The following NBEAL1 variants were observed in gnomAD, a reference collection of about 807,000 sequenced individuals.
The protein encoded by NBEAL1 is neurobeachin like 1, also known as neurobeachin-like protein 1.
A neutral mutation model predicts 351.3 loss-of-function variants in NBEAL1; 273 were observed. The ratio of observed to expected loss-of-function variants is 0.78; its 90% confidence interval spans 0.70 to 0.86. The LOEUF is 0.86. Among genes scored for constraint, NBEAL1 ranks in the 40% least tolerant of loss-of-function variants. The pLI, the probability that NBEAL1 is intolerant of heterozygous loss-of-function variation, is 0.00. For synonymous variants in NBEAL1, 1,050 were observed against 1,086.4 expected, an observed-to-expected ratio of 0.97 and a Z score of 0.66; for missense variants, 2,961 against 3,201.3, an observed-to-expected ratio of 0.92 and a Z score of 1.81.
At position 203,127,815 on chromosome 2, in the gene NBEAL1, GAT is replaced by G; in HGVS notation, c.3286_3287del (p.Ile1096SerfsTer12). ...TAAATATAATGAACTATCTCTAGAT[GAT>G]ATTCGAACAATAAGGACTTCTTTGT... The part of the protein sequence containing the change: ...GCKYNELSLD[D>X]IRTIRTSLYG... On this transcript the variant is annotated frameshift_variant, in exon 24 of 56. Transcript: ENST00000683969. LOFTEE classifies it high-confidence loss of function. 6.6e-7 allele frequency: 1 copy of G among 1,521,016 alleles called. No homozygotes were observed. The highest frequency in any genetic ancestry group is 8.9e-7 in the Non-Finnish European group (1 of 1,118,560). The allele number at this position is 1,521,016 out of a possible 1,614,324, so 94.2% of individuals were successfully genotyped here.
intron 36 of NBEAL1, among the ~76,000 whole-genome samples, chr2:203,158,282 A>G (rs1278489192): frequency 6.6e-6 from 1 of 152,228 alleles, no homozygotes; most frequent in Non-Finnish European, 1.5e-5. Context: ...ACTGATTAAA[A>G]GAAAGACAAC....
At chr2:203,079,890 G>C (rs1022038301) in intron 8 of NBEAL1, among the ~76,000 whole-genome samples, 2 of 152,066 alleles carry the variant, frequency 1.3e-5, no homozygotes, top group Non-Finnish European at 2.9e-5. Flanking sequence ...TTAACTTATA[G>C]CTCTAGGGAA....
intron 11 of NBEAL1, among the ~76,000 whole-genome samples, chr2:203,098,247 C>T (rs116408451): frequency 3.1e-3 from 467 of 151,954 alleles, no homozygotes; most frequent in African/African-American, 0.011. Context: ...TAAAAATTGA[C>T]GTTATTTTTC....
intron 24 of NBEAL1, 44 bp downstream of exon 24, chr2:203,127,981 A>C (rs941729683): frequency 7.1e-7 from 1 of 1,403,870 alleles, no homozygotes; most frequent in Non-Finnish European, 9.8e-7. Flanking sequence ...TTAACATTTG[A>C]GTTGCTACAT....
At chr2:203,080,772 T>C (rs969868452) in intron 8 of NBEAL1, among the ~76,000 whole-genome samples, 4 of 152,194 alleles carry the variant, frequency 2.6e-5, no homozygotes, top group African/African-American at 9.6e-5. Context: ...AGTGTAAGTT[T>C]GCTTAATCAC....
intron 10 of NBEAL1, chr2:203,085,658 G>T (rs2061949758): frequency 6.6e-6 from 1 of 152,022 alleles, no homozygotes; most frequent in Non-Finnish European, 1.5e-5. Flanking sequence ...TGATATGTTT[G>T]TATAATTTAA....
Position 203,223,270 on chromosome 2 carries a change from A to G in NBEAL1, c.*5916A>G, listed in dbSNP as rs1238871395. 3.9e-5 allele frequency among the ~76,000 whole-genome samples: 6 copies of G among 152,176 alleles called. No individual in the cohort carries two copies. Among genetic ancestry groups the G allele is most frequent in the Non-Finnish European group, 5.9e-5 (4 of 67,982 alleles). On this transcript the variant is annotated 3_prime_UTR_variant, in exon 56 of 56. Coordinates refer to ENST00000683969, the MANE Select transcript of NBEAL1 (RefSeq NM_001378026.1). ...TGAAAATTCAGAAGGAAAAGAACAAATAGAAAGCTACTAATTCAATATTTG... is the reference window on the plus strand; with the variant it reads ...TGAAAATTCAGAAGGAAAAGAACAAGTAGAAAGCTACTAATTCAATATTTG...
intron 7 of NBEAL1, among the ~76,000 whole-genome samples, chr2:203,073,782 C>T (rs2061720683): frequency 6.6e-6 from 1 of 151,828 alleles, no homozygotes; most frequent in South Asian, 2.1e-4. Flanking sequence ...AATTGCTCTT[C>T]TTTTTCTAGC....
intron 6 of NBEAL1, among the ~76,000 whole-genome samples, chr2:203,063,446 A>G (rs1454945905): frequency 7.4e-6 from 1 of 135,474 alleles, no homozygotes; most frequent in Non-Finnish European, 1.6e-5. Context: ...CCTGAAAGAA[A>G]GAGGAGGGAG....
intron 2 of NBEAL1, among the ~76,000 whole-genome samples, chr2:203,023,372 G>T (rs2060799245): frequency 1.3e-5 from 2 of 152,142 alleles, no homozygotes; most frequent in African/African-American, 4.8e-5. Flanking sequence ...AGTACTAGTA[G>T]TTACCACTTA....
At chr2:203,214,180 C>G (rs1410409392) in intron 55 of NBEAL1, among the ~76,000 whole-genome samples, 1 of 152,218 alleles carries the variant, frequency 6.6e-6, no homozygotes, top group Non-Finnish European at 1.5e-5. Flanking sequence ...AACTCTCACT[C>G]TTAGGAAAAC....
At chr2:203,056,372 C>T in intron 4 of NBEAL1, 55 bp from the exon 5 acceptor site, 1 of 915,884 alleles carries the variant, frequency 1.1e-6, no homozygotes, top group Non-Finnish European at 1.8e-6. Flanking sequence ...AATTCATGAA[C>T]ATATGTTTTG....
At chr2:203,139,557 C>CTTTTTTTTTTTTTTTTT (rs370861737) in intron 31 of NBEAL1, among the ~76,000 whole-genome samples, 1 of 67,646 alleles carries the variant, frequency 1.5e-5, no homozygotes, top group Non-Finnish European at 2.7e-5. Flanking sequence ...CCACCCCCAC[C>CTTTTTTTTTTTTTTTTT]TTTTTTTTTT....
chr2:203,046,918 T>C (rs2061236991), intron 3 of NBEAL1, among the ~76,000 whole-genome samples: 1 of 152,178 alleles, frequency 6.6e-6, no homozygotes, highest in Non-Finnish European at 1.5e-5. Flanking sequence ...CTTCTGCCTG[T>C]AATGCCAGCA....
rs923078315 is a variant in NBEAL1 at position 203,223,477 on chromosome 2, T to C, written c.*6123T>C. Among the ~76,000 whole-genome samples the C allele has an allele frequency of 6.6e-6, 1 of 152,042 alleles. No individual in the cohort carries two copies. Among genetic ancestry groups the C allele is most frequent in the African/African-American group, 2.4e-5 (1 of 41,436 alleles). On this transcript the variant is annotated 3_prime_UTR_variant, in exon 56 of 56. Coordinates refer to ENST00000683969, the MANE Select transcript of NBEAL1 (RefSeq NM_001378026.1). ...TGTAATGGCTGTCTCATTATTTAAA[T>C]TAATTTATAATTATTTTTCAGTGTA...
intron 42 of NBEAL1, among the ~76,000 whole-genome samples, chr2:203,176,556 C>A (rs1197615806): frequency 1.3e-5 from 2 of 151,320 alleles, no homozygotes; most frequent in Non-Finnish European, 2.9e-5. Context: ...ATGGTGAAAC[C>A]CCGTCTCTAC....
chr2:203,171,677 GT>G (rs5837844), intron 39 of NBEAL1, among the ~76,000 whole-genome samples: 1 of 148,452 alleles, frequency 6.7e-6, no homozygotes, highest in African/African-American at 2.5e-5. Flanking sequence ...AAAAGACAAG[GT>G]TTTTTTTTTT....
At chr2:203,131,465 C>T (rs1336404622) in intron 25 of NBEAL1, among the ~76,000 whole-genome samples, 1 of 152,218 alleles carries the variant, frequency 6.6e-6, no homozygotes, top group Non-Finnish European at 1.5e-5. Flanking sequence ...ATCTGCCTGC[C>T]TCAGCCTCGC....
At chr2:203,039,985 G>A (rs549421513) in intron 2 of NBEAL1, 9 of 546,374 alleles carry the variant, frequency 1.6e-5, no homozygotes, top group Non-Finnish European at 2.9e-5. Context: ...GATAAGGTAA[G>A]GTAAAGGGGT....
Sources: gnomAD v4.1 joint callset for allele counts (sites outside exome capture counted in the v4.1 genomes callset) on GRCh38, gnomAD v4.1.1 for gene constraint, MANE v1.5 for transcripts, NCBI Gene and HGNC (gene_info 2026-07-23, HGNC 2026-07-21) for gene names.